Variants in MYO10 observed in about 807,000 individuals in gnomAD.
The protein encoded by MYO10 is myosin X.
A neutral mutation model predicts 257.3 loss-of-function variants in MYO10; 133 were observed. The observed-to-expected ratio is 0.52, with a 90% confidence interval of 0.45 to 0.60. The LOEUF is 0.60. Ranked by LOEUF, MYO10 falls within the 20% of genes least tolerant of loss-of-function variation. The pLI is 0.00. For missense variants in MYO10, 2,399 were observed against 2,635.7 expected (o/e 0.91, Z 1.97); for synonymous variants, 1,104 against 1,028.6 (o/e 1.07, Z -1.40).
intron 1 of MYO10, among the ~76,000 whole-genome samples, chr5:16,881,782 A>G (rs751285296): frequency 2.0e-5 from 3 of 152,212 alleles, no homozygotes; most frequent in Admixed American, 6.5e-5. Flanking sequence ...GCCACCCACA[A>G]GCATTTGAAA....
chr5:16,930,623 A>T (rs920882544), intron 1 of MYO10, among the ~76,000 whole-genome samples: 1 of 152,222 alleles, frequency 6.6e-6, no homozygotes, highest in Non-Finnish European at 1.5e-5. Flanking sequence ...ATTTCAAAGT[A>T]CAGTTACTGT....
intron 10 of MYO10, among the ~76,000 whole-genome samples, chr5:16,768,265 C>A (rs1047142994): frequency 1.1e-4 from 17 of 152,126 alleles, no homozygotes; most frequent in African/African-American, 3.6e-4. Context: ...TATGGTAACT[C>A]ATTTTATCTT....
chr5:16,724,781 T>C, intron 19 of MYO10, among the ~76,000 whole-genome samples: 1 of 150,442 alleles, frequency 6.6e-6, no homozygotes, highest in South Asian at 2.1e-4. Context: ...TATATATGCA[T>C]ATATAATACA....
intron 18 of MYO10, among the ~76,000 whole-genome samples, chr5:16,757,119 TAAAAAAAA>T (rs58155620): frequency 2.0e-5 from 2 of 100,134 alleles, no homozygotes; most frequent in Non-Finnish European, 3.9e-5. Context: ...ACTCTGCCTT[TAAAAAAAA>T]AAAAAAAAAA....
At chr5:16,689,771 T>C in intron 28 of MYO10, 53 bp downstream of exon 28, 2 of 1,415,524 alleles carry the variant, frequency 1.4e-6, no homozygotes, top group Non-Finnish European at 2.0e-6. Context: ...TGCTCACACC[T>C]GTGCATGAGG....
At chr5:16,777,680 G>T (rs1175375654) in intron 9 of MYO10, among the ~76,000 whole-genome samples, 1 of 152,006 alleles carries the variant, frequency 6.6e-6, no homozygotes, top group Non-Finnish European at 1.5e-5. Context: ...CTGAGTCTTA[G>T]AATGGAGACA....
chr5:16,834,300 G>T (rs774101315), intron 2 of MYO10, among the ~76,000 whole-genome samples: 5 of 152,274 alleles, frequency 3.3e-5, no homozygotes, highest in South Asian at 4.1e-4. Flanking sequence ...ATCAAGGAGA[G>T]AAACTTCCAG....
chr5:16,702,434 C>A, intron 24 of MYO10, 109 bp downstream of exon 24: 1 of 1,057,018 alleles, frequency 9.5e-7, no homozygotes, highest in South Asian at 1.5e-5. Flanking sequence ...TTAAATTGTT[C>A]TTCCTGTTAT....
chr5:16,833,093 A>G (rs1200262592), intron 2 of MYO10, among the ~76,000 whole-genome samples: 1 of 152,040 alleles, frequency 6.6e-6, no homozygotes, highest in Non-Finnish European at 1.5e-5. Flanking sequence ...CTCCAAATTC[A>G]TCTCTCTGCC....
Position 16,681,404 on chromosome 5 carries a change from T to C in MYO10, c.4289A>G (p.Lys1430Arg). ...VLTHNSLDYY[K>R]SSEKNALKLG... ...TTTGAGCGCGTTCTTCTCTGAACTC[T>C]TGTAGTAATCCAGGGAATTGTGGGT... Residue 1430 changes from lysine to arginine, a missense_variant, in exon 32 of 41, where the codon AAG becomes AGG. Coordinates refer to ENST00000513610, the MANE Select transcript of MYO10 (RefSeq NM_012334.3). 1 of 1,614,000 alleles carries C rather than the reference T, an allele frequency of 6.2e-7. No homozygotes were observed. Among genetic ancestry groups the C allele is most frequent in the Non-Finnish European group, 8.5e-7 (1 of 1,179,890 alleles).
At position 16,662,058 on chromosome 5, in the gene MYO10, G is replaced by T. The variant is rs949953892; in HGVS notation, c.*4634C>A. On this transcript the variant is annotated 3_prime_UTR_variant, in exon 41 of 41. Transcript: ENST00000513610. ...CCAGGTCCGATATTTTCCAGCAATCGTGATGCTTCTCTGATCAACTGAATG... is the reference window on the plus strand; with the variant it reads ...CCAGGTCCGATATTTTCCAGCAATCTTGATGCTTCTCTGATCAACTGAATG... 6.6e-6 allele frequency: 1 copy of T among 152,144 alleles called. No homozygotes were observed. Among genetic ancestry groups the T allele is most frequent in the Non-Finnish European group, 1.5e-5 (1 of 68,042 alleles). 9.4% of individuals were successfully genotyped at this position (152,144 alleles called of 1,614,324 possible).
In MYO10 at chr5:16,936,038, T is replaced by A. The variant is rs970997294; in HGVS notation, c.-230A>T. On this transcript the variant is annotated 5_prime_UTR_variant, in exon 1 of 41. Transcript: ENST00000513610. The stretch of plus-strand genomic sequence containing the variant: ...GACGGCAGCCTTTGTCTCTTCTTCC[T>A]CCAAGTTCCTCACTACTGGGCGCAG... The A allele has an allele frequency of 1.2e-5, 7 of 584,588 alleles. No individual in the cohort carries two copies. Among genetic ancestry groups the A allele is most frequent in the African/African-American group, 1.9e-5 (1 of 52,574 alleles). The allele number at this position is 584,588 out of a possible 1,614,324, so 36.2% of individuals were successfully genotyped here. A position where few individuals can be genotyped will look rare whatever the true frequency, so the allele number is the denominator to read the frequency against.
At chr5:16,668,958 GCTC>G (rs1340669340) in intron 39 of MYO10, among the ~76,000 whole-genome samples, 4 of 152,098 alleles carry the variant, frequency 2.6e-5, no homozygotes, top group Admixed American at 1.3e-4. Flanking sequence ...AGCAGTTCTG[GCTC>G]CTCTTCACAA....
intron 4 of MYO10, among the ~76,000 whole-genome samples, chr5:16,784,788 A>C (rs1455086592): frequency 2.0e-5 from 3 of 152,180 alleles, no homozygotes; most frequent in Non-Finnish European, 2.9e-5. Flanking sequence ...AAAAATGTGA[A>C]TCAATTGCAT....
Position 16,664,084 on chromosome 5 carries a change from T to TG in MYO10, c.*2607dup, listed in dbSNP as rs1292220011. 2 of 152,146 alleles carry TG rather than the reference T, an allele frequency of 1.3e-5. No homozygotes were observed. The allele number at this position is 152,146 out of a possible 1,614,324, so 9.4% of individuals were successfully genotyped here. A position where few individuals can be genotyped will look rare whatever the true frequency, so the allele number is the denominator to read the frequency against. On this transcript the variant is annotated 3_prime_UTR_variant, in exon 41 of 41. Coordinates refer to ENST00000513610, the MANE Select transcript of MYO10 (RefSeq NM_012334.3). ...CAGCTGTGATGCTGCTCTACAGTGA[T>TG]GGGGGATGCTACCACTGGGGAAACT...
chr5:16,671,335 A>G (rs1437028663), intron 38 of MYO10, 87 bp downstream of exon 38: 1 of 1,480,916 alleles, frequency 6.8e-7, no homozygotes, highest in Non-Finnish European at 9.2e-7. Context: ...CTCATTTCTA[A>G]GTACCAGTTA....
At chr5:16,817,022 G>GT (rs1742645189) in intron 3 of MYO10, among the ~76,000 whole-genome samples, 1 of 151,028 alleles carries the variant, frequency 6.6e-6, no homozygotes, top group Admixed American at 6.6e-5. Flanking sequence ...ATTTCACCAT[G>GT]TTCGTCAGGC....
chr5:16,877,995 T>C (rs1218761367), intron 1 of MYO10, among the ~76,000 whole-genome samples: 2 of 152,132 alleles, frequency 1.3e-5, no homozygotes, highest in African/African-American at 2.4e-5. Context: ...ATTACGTCAT[T>C]TGAGATGATG....
Position 16,689,950 on chromosome 5 carries a change from T to C in MYO10, c.3801-31A>G, listed in dbSNP as rs960900920. The C allele has an allele frequency of 2.0e-6, 3 of 1,471,876 alleles. No homozygotes were observed. In the African/African-American group the frequency reaches 4.2e-5, roughly 20 times the overall value. The allele number at this position is 1,471,876 out of a possible 1,614,324, so 91.2% of individuals were successfully genotyped here. On this transcript the variant is annotated intron_variant, in intron 27 of 40. Transcript: ENST00000513610. ...AAGAAGCAAAAGCAACAAACGCACA[T>C]CAGGAACACCAAATTCTGAATAACT...
Sources: gnomAD v4.1 joint callset for allele counts (sites outside exome capture counted in the v4.1 genomes callset) on GRCh38, gnomAD v4.1.1 for gene constraint, MANE v1.5 for transcripts, NCBI Gene and HGNC (gene_info 2026-07-23, HGNC 2026-07-21) for gene names.